Variants in FGGY observed in about 807,000 individuals in gnomAD.
FGGY encodes FGGY carbohydrate kinase domain-containing protein.
FGGY carries 72 observed loss-of-function variants against 71.3 expected under a neutral mutation model. The observed-to-expected ratio is 1.01, with a 90% confidence interval of 0.84 to 1.23. FGGY has a LOEUF of 1.23. Ranked by LOEUF, FGGY falls within the 50% of genes most tolerant of loss-of-function variation. FGGY has a pLI of 0.00. For missense variants in FGGY, 668 were observed against 682.3 expected, an observed-to-expected ratio of 0.98 and a Z score of 0.23; for synonymous variants, 251 against 250.3, an observed-to-expected ratio of 1.00 and a Z score of -0.02.
intron 8 of FGGY, among the ~76,000 whole-genome samples, chr1:59,559,216 C>T (rs1432725832): frequency 6.6e-6 from 1 of 152,118 alleles, no homozygotes; most frequent in Non-Finnish European, 1.5e-5. Flanking sequence ...ATTTTGGGAA[C>T]TGATAAATGT....
Position 59,515,921 on chromosome 1 carries a change from G to GT in FGGY, c.799+3491dup, listed in dbSNP as rs761544626. Among the ~76,000 whole-genome samples the GT allele has an allele frequency of 2.8e-3, 430 of 151,636 alleles. 2 individuals are homozygous for GT. Among genetic ancestry groups the GT allele is most frequent in the African/African-American group, 9.3e-3 (384 of 41,360 alleles). ...TTTTTGTTAGTGGAAAGATAGAATA[G>GT]TTTTTTTTTGTTTTAATGGAAAGAT... On this transcript the variant is annotated intron_variant, in intron 7 of 15. Transcript: ENST00000303721.
At chr1:59,646,327 T>A (rs980319323) in intron 11 of FGGY, among the ~76,000 whole-genome samples, 3 of 152,056 alleles carry the variant, frequency 2.0e-5, no homozygotes, top group African/African-American at 7.2e-5. Context: ...ACTTTTTTTT[T>A]ACATATTTTT....
chr1:59,634,802 C>A (rs993020120), intron 10 of FGGY, among the ~76,000 whole-genome samples: 1 of 152,214 alleles, frequency 6.6e-6, no homozygotes, highest in Non-Finnish European at 1.5e-5. Flanking sequence ...ATCTTCATAG[C>A]AGCCTTTAAG....
At chr1:59,334,020 G>T (rs2048985131) in intron 2 of FGGY, among the ~76,000 whole-genome samples, 1 of 152,338 alleles carries the variant, frequency 6.6e-6, no homozygotes, top group Admixed American at 6.5e-5. Flanking sequence ...ATAATGGAAA[G>T]AAAATAGACA....
chr1:59,389,320 GTATT>G (rs1235278097), intron 5 of FGGY, among the ~76,000 whole-genome samples: 2 of 152,226 alleles, frequency 1.3e-5, no homozygotes, highest in African/African-American at 2.4e-5. Context: ...GACTTATATA[GTATT>G]TATCCTTTTG....
intron 11 of FGGY, among the ~76,000 whole-genome samples, chr1:59,648,867 G>A (rs904708314): frequency 4.8e-4 from 73 of 152,182 alleles, no homozygotes; most frequent in African/African-American, 1.8e-3. Context: ...TTCTTCTAGG[G>A]TTTTTATGGT....
intron 5 of FGGY, among the ~76,000 whole-genome samples, chr1:59,445,327 T>C (rs1203025039): frequency 3.9e-5 from 6 of 152,202 alleles, no homozygotes; most frequent in African/African-American, 1.4e-4. Flanking sequence ...TCCTCCCTGC[T>C]CTGGCACTTG....
chr1:59,395,811 G>T (rs948576280), intron 5 of FGGY, among the ~76,000 whole-genome samples: 4 of 152,116 alleles, frequency 2.6e-5, no homozygotes, highest in Non-Finnish European at 4.4e-5. Flanking sequence ...GGCAGAGTTG[G>T]GATTTTAACC....
chr1:59,485,622 G>A (rs1243777888), intron 6 of FGGY, among the ~76,000 whole-genome samples: 1 of 152,154 alleles, frequency 6.6e-6, no homozygotes, highest in Non-Finnish European at 1.5e-5. Context: ...TCACTGTTTT[G>A]TAGATTTGTA....
chr1:59,577,338 A>G (rs1466838373), intron 8 of FGGY, among the ~76,000 whole-genome samples: 1 of 152,174 alleles, frequency 6.6e-6, no homozygotes, highest in Non-Finnish European at 1.5e-5. Flanking sequence ...TGCTTATTGC[A>G]TTTTCTTCTT....
At chr1:59,641,046 T>C (rs929648264) in intron 11 of FGGY, among the ~76,000 whole-genome samples, 13 of 150,764 alleles carry the variant, frequency 8.6e-5, no homozygotes, top group African/African-American at 3.0e-4. Flanking sequence ...TTGCCCAACC[T>C]GGTCCCAGCG....
intron 8 of FGGY, among the ~76,000 whole-genome samples, chr1:59,583,789 A>C (rs2096236107): frequency 7.0e-6 from 1 of 142,200 alleles, no homozygotes; most frequent in Non-Finnish European, 1.5e-5. Context: ...ATCTAAGCCA[A>C]AGATGTCAAA....
intron 6 of FGGY, among the ~76,000 whole-genome samples, chr1:59,507,119 G>A (rs930635438): frequency 1.3e-5 from 2 of 152,148 alleles, no homozygotes; most frequent in African/African-American, 2.4e-5. Context: ...GAGAAATTAC[G>A]GACAGAAAAA....
At chr1:59,521,059 T>G in intron 7 of FGGY, among the ~76,000 whole-genome samples, 1 of 150,346 alleles carries the variant, frequency 6.7e-6, no homozygotes, top group African/African-American at 2.4e-5. Context: ...GAAATGCAGA[T>G]AAAGTCATGC....
chr1:59,340,110 T>G, intron 3 of FGGY, 41 bp downstream of exon 3: 1 of 1,438,316 alleles, frequency 7.0e-7, no homozygotes, highest in Non-Finnish European at 9.7e-7. Context: ...GTGGGATACT[T>G]GGCTGATTAA....
At position 59,326,129 on chromosome 1, in the gene FGGY, G is replaced by C. The variant is rs1023551088; in HGVS notation, c.201+4379G>C. On this transcript the variant is annotated intron_variant, in intron 2 of 15. Coordinates refer to ENST00000303721, the MANE Select transcript of FGGY (RefSeq NM_018291.5). ...TGGAGGAATCATTTAGCCAACAGGT[G>C]TTTGTTGAGTATCATTCTTTCATTT... Among the ~76,000 whole-genome samples, 3 of 152,244 alleles carry C rather than the reference G, an allele frequency of 2.0e-5. No individual in the cohort carries two copies. The East Asian group carries it at 5.8e-4, about 29-fold the overall frequency.
chr1:59,312,674 T>C (rs1048140884), intron 1 of FGGY, among the ~76,000 whole-genome samples: 1 of 152,220 alleles, frequency 6.6e-6, no homozygotes, highest in African/African-American at 2.4e-5. Context: ...TTTTCATCCA[T>C]GATATCTTTA....
chr1:59,345,538 A>G (rs1030622176), intron 3 of FGGY, among the ~76,000 whole-genome samples: 1 of 152,128 alleles, frequency 6.6e-6, no homozygotes, highest in African/African-American at 2.4e-5. Context: ...CTGAGGGCCT[A>G]CTTTCTGAGA....
At chr1:59,745,549 A>G (rs867127212) in intron 14 of FGGY, among the ~76,000 whole-genome samples, 1 of 152,178 alleles carries the variant, frequency 6.6e-6, no homozygotes. Flanking sequence ...AAGTGTTCAG[A>G]CCCTGCGGCC....
Sources: allele counts gnomAD v4.1 joint callset (sites outside exome capture counted in the v4.1 genomes callset), GRCh38; gene constraint gnomAD v4.1.1; transcripts MANE v1.5; gene names NCBI Gene and HGNC (gene_info 2026-07-23, HGNC 2026-07-21).